Variants in ZNF385D observed in about 807,000 individuals in gnomAD.
The protein encoded by ZNF385D is zinc finger protein 659.
Under a neutral mutation model 35.8 loss-of-function variants are expected in ZNF385D, and 15 were observed. That is an observed-to-expected ratio of 0.42 (90% CI 0.28 to 0.64). The LOEUF is 0.64. Among genes scored for constraint, ZNF385D ranks in the 30% least tolerant of loss-of-function variants. The pLI is 0.23. For synonymous variants in ZNF385D, 212 were observed against 186.8 expected, an observed-to-expected ratio of 1.13 and a Z score of -1.10; for missense variants, 474 against 494.6, an observed-to-expected ratio of 0.96 and a Z score of 0.39.
At chr3:21,657,586 A>G (rs181451029) in intron 2 of ZNF385D, among the ~76,000 whole-genome samples, 1 of 152,098 alleles carries the variant, frequency 6.6e-6, no homozygotes, top group African/African-American at 2.4e-5. Flanking sequence ...GCAATCTGCT[A>G]CATCTGTCTT....
chr3:21,507,236 G>T (rs568595720), intron 4 of ZNF385D, among the ~76,000 whole-genome samples: 2 of 152,068 alleles, frequency 1.3e-5, no homozygotes, highest in African/African-American at 2.4e-5. Context: ...TCTAATTAAA[G>T]GCCATACCAT....
intron 2 of ZNF385D, among the ~76,000 whole-genome samples, chr3:21,580,697 T>C (rs1031580540): frequency 6.6e-6 from 1 of 151,940 alleles, no homozygotes; most frequent in African/African-American, 2.4e-5. Flanking sequence ...AGATAATATA[T>C]ATATATGAAA....
intron 2 of ZNF385D, among the ~76,000 whole-genome samples, chr3:22,219,381 T>A (rs1698105060): frequency 6.6e-6 from 1 of 152,134 alleles, no homozygotes; most frequent in African/African-American, 2.4e-5. Flanking sequence ...ATAGAAAAAT[T>A]CAAATATATT....
At chr3:21,754,443 T>A (rs1366244560), upstream of ZNF385D, among the ~76,000 whole-genome samples, 3 of 152,162 alleles carry the variant, frequency 2.0e-5, no homozygotes, top group Non-Finnish European at 4.4e-5. Context: ...AAATTATACC[T>A]AGCACTATTA....
At position 21,967,037 on chromosome 3, in the gene ZNF385D, G is replaced by C. The variant is rs191200371; in HGVS notation, c.325+201780C>G. The stretch of plus-strand genomic sequence containing the variant: ...ACACACATAAATTAAAATCTGTATA[G>C]TAAAAACTATTAATTCAAATAATAG... On this transcript the variant is annotated intron_variant, in intron 3 of 5. Coordinates refer to the ZNF385D transcript ENST00000494108. Among the ~76,000 whole-genome samples, 620 of 152,264 alleles carry C rather than the reference G, an allele frequency of 4.1e-3. 2 individuals carry two copies. The highest frequency in any genetic ancestry group is 6.4e-3 in the Non-Finnish European group (433 of 68,012).
rs556274348 is a variant in ZNF385D, at chr3:22,182,137, T to C, written c.107-13102A>G. Among the ~76,000 whole-genome samples, 120 of 152,312 alleles carry C rather than the reference T, an allele frequency of 7.9e-4. 1 individual carries two copies. The highest frequency in any genetic ancestry group is 2.8e-3 in the African/African-American group (115 of 41,580). On this transcript the variant is annotated intron_variant, in intron 2 of 5. Coordinates refer to the ZNF385D transcript ENST00000494108. ...CTCAGAAATTGTGAGCTAATAAATG[T>C]GTGTTGTCTTAAGACATAAAGCTTC... is the stretch of plus-strand genomic sequence containing the variant.
chr3:22,012,618 G>C (rs957828003), intron 3 of ZNF385D, among the ~76,000 whole-genome samples: 12 of 152,012 alleles, frequency 7.9e-5, no homozygotes, highest in African/African-American at 2.9e-4. Flanking sequence ...AATGAGATAG[G>C]AATGTGGATA....
At chr3:21,707,810 GA>G (rs1465119856) in intron 1 of ZNF385D, among the ~76,000 whole-genome samples, 1 of 152,130 alleles carries the variant, frequency 6.6e-6, no homozygotes, top group African/African-American at 2.4e-5. Flanking sequence ...TCAAAGATGG[GA>G]AAAATACAAA....
intron 3 of ZNF385D, among the ~76,000 whole-genome samples, chr3:22,142,622 A>G (rs1041556562): frequency 6.6e-6 from 1 of 152,122 alleles, no homozygotes; most frequent in Non-Finnish European, 1.5e-5. Flanking sequence ...AGATTGTGTT[A>G]ATGGTATAGA....
intron 3 of ZNF385D, among the ~76,000 whole-genome samples, chr3:22,099,146 T>C (rs995054980): frequency 1.3e-5 from 2 of 152,078 alleles, no homozygotes; most frequent in African/African-American, 4.8e-5. Context: ...AAAACATCAA[T>C]GTGACTATGT....
intron 2 of ZNF385D, among the ~76,000 whole-genome samples, chr3:21,642,143 G>A (rs1255918513): frequency 5.3e-5 from 8 of 151,980 alleles, no homozygotes; most frequent in Admixed American, 2.0e-4. Context: ...AGTGTTTTGC[G>A]CTTTATGCAA....
chr3:21,900,056 C>G (rs1404604949), intron 3 of ZNF385D, among the ~76,000 whole-genome samples: 2 of 152,094 alleles, frequency 1.3e-5, no homozygotes, highest in African/African-American at 2.4e-5. Flanking sequence ...AGAAACTGCA[C>G]TAAGAGTCTA....
At chr3:21,786,285 C>T (rs1407999892) in intron 3 of ZNF385D, among the ~76,000 whole-genome samples, 1 of 152,110 alleles carries the variant, frequency 6.6e-6, no homozygotes, top group African/African-American at 2.4e-5. Context: ...GTCCTACGCA[C>T]GGCATGCCAG....
chr3:21,478,018 G>A (rs1440859405), intron 4 of ZNF385D, among the ~76,000 whole-genome samples: 1 of 152,016 alleles, frequency 6.6e-6, no homozygotes, highest in Admixed American at 6.6e-5. Context: ...AAATGTCCTT[G>A]GCTTACTTCT....
At chr3:22,037,510 C>A (rs1395073962) in intron 3 of ZNF385D, among the ~76,000 whole-genome samples, 2 of 152,032 alleles carry the variant, frequency 1.3e-5, no homozygotes, top group Non-Finnish European at 2.9e-5. Flanking sequence ...TAAATGTCTT[C>A]TTTTGAGAAG....
intron 3 of ZNF385D, among the ~76,000 whole-genome samples, chr3:21,558,110 GAT>G (rs1491338585): frequency 4.2e-5 from 5 of 119,442 alleles, no homozygotes; most frequent in African/African-American, 1.4e-4. Context: ...TGGATTCATT[GAT>G]TTTTTTTTTT....
chr3:21,993,078 A>C (rs144154598), intron 3 of ZNF385D, among the ~76,000 whole-genome samples: 49 of 152,346 alleles, frequency 3.2e-4, no homozygotes, highest in African/African-American at 9.6e-4. Context: ...TCTTATCAAC[A>C]TGCCAGATAC....
At chr3:21,954,366 T>G (rs1309385701) in intron 3 of ZNF385D, among the ~76,000 whole-genome samples, 12 of 152,028 alleles carry the variant, frequency 7.9e-5, no homozygotes, top group African/African-American at 2.9e-4. Flanking sequence ...GGGATCAATA[T>G]TCTCAAAATT....
chr3:21,441,063 T>G (rs1027231498), intron 4 of ZNF385D, among the ~76,000 whole-genome samples: 21 of 152,126 alleles, frequency 1.4e-4, no homozygotes, highest in African/African-American at 4.3e-4. Context: ...CCACTGGGGA[T>G]AAGAAGGCCA....
Sources: gnomAD v4.1 joint callset for allele counts (sites outside exome capture counted in the v4.1 genomes callset) on GRCh38, gnomAD v4.1.1 for gene constraint, MANE v1.5 for transcripts, NCBI Gene and HGNC (gene_info 2026-07-23, HGNC 2026-07-21) for gene names.